The following LRP2 variants were observed in gnomAD, a reference collection of about 807,000 sequenced individuals.
The protein encoded by LRP2 is LDL receptor related protein 2, also known as low-density lipoprotein receptor-related protein 2.
In LRP2, 172 loss-of-function variants were observed where a neutral mutation model predicts 531.0. The ratio of observed to expected loss-of-function variants is 0.32; its 90% CI spans 0.29 to 0.37. The LOEUF is 0.37. Ranked by LOEUF, LRP2 falls within the 10% of genes least tolerant of loss-of-function variation. The pLI is 1.00. For synonymous variants in LRP2, 1,992 were observed against 2,027.6 expected, an observed-to-expected ratio of 0.98 and a Z score of 0.47; for missense variants, 5,167 against 5,868.3, an observed-to-expected ratio of 0.88 and a Z score of 3.90.
intron 6 of LRP2, among the ~76,000 whole-genome samples, chr2:169,293,561 G>C (rs992617197): frequency 1.3e-5 from 2 of 152,180 alleles, no homozygotes; most frequent in African/African-American, 4.8e-5. Flanking sequence ...TGTGATCCCA[G>C]CTATTCGGGA....
chr2:169,191,929 T>C lies in LRP2; in HGVS notation c.8935A>G (p.Thr2979Ala). The change falls in exon 48 of 79, where the codon ACT becomes GCT. Residue 2979 changes from threonine to alanine, a missense_variant. Thr to Ala is a moderately conservative substitution (Grantham distance 58, BLOSUM62 0). Transcript: ENST00000649046. ...SWVCDGDVDC[T>A]DGYDENQNCT... ...TTCTGATTCTCATCGTAGCCGTCAG[T>C]ACAATCCACATCGCCATCACAGACC... 1 of 1,614,150 alleles carries C rather than the reference T, an allele frequency of 6.2e-7. No homozygotes were observed.
At chr2:169,203,088 C>T in intron 42 of LRP2, 129 bp from the exon 43 acceptor site, 1 of 758,596 alleles carries the variant, frequency 1.3e-6, no homozygotes, top group Non-Finnish European at 2.3e-6. Flanking sequence ...GAAGTTCTGC[C>T]CATTAACCTT....
chr2:169,178,323 T>C lies in LRP2; in HGVS notation c.10170-297A>G, dbSNP rs368745157. Among the ~76,000 whole-genome samples, 5 of 152,364 alleles carry C rather than the reference T, an allele frequency of 3.3e-5. 1 individual carries two copies. Among genetic ancestry groups the C allele is most frequent in the South Asian group, 2.1e-4 (1 of 4,828 alleles). On this transcript the variant is annotated intron_variant, in intron 52 of 78. Coordinates refer to ENST00000649046, the MANE Select transcript of LRP2 (RefSeq NM_004525.3). ...TGCTTTCCTGCGGATGAAGCTGTTA[T>C]AGCTGTTGTAGGTTTATGGCCTCTT... is the stretch of plus-strand genomic sequence containing the variant.
At chr2:169,315,561 C>G (rs1233724381) in intron 3 of LRP2, among the ~76,000 whole-genome samples, 1 of 152,208 alleles carries the variant, frequency 6.6e-6, no homozygotes, top group African/African-American at 2.4e-5. Context: ...GAACTAAAAG[C>G]ACTGCTGTGC....
At chr2:169,188,897 C>T (rs1687732787) in intron 48 of LRP2, among the ~76,000 whole-genome samples, 1 of 152,146 alleles carries the variant, frequency 6.6e-6, no homozygotes. Context: ...ACACTCCTGC[C>T]ATCTATCATG....
chr2:169,305,577 G>T (rs760936669), intron 4 of LRP2, among the ~76,000 whole-genome samples: 2 of 152,156 alleles, frequency 1.3e-5, no homozygotes, highest in African/African-American at 4.8e-5. Context: ...TGAATCTTCC[G>T]TTGGAGACAT....
rs750182031 is a variant in LRP2, at chr2:169,225,440, C to T, written c.5408G>A (p.Arg1803Lys). The T allele has an allele frequency of 1.8e-5, 29 of 1,613,912 alleles. No individual in the cohort carries two copies. The South Asian group carries it at 3.1e-4, about 17-fold the overall frequency. Residue 1803 changes from arginine to lysine, a missense_variant, in exon 33 of 79, where the codon AGA becomes AAA. This residue lies in a region of LRP2 where 2,811 missense variants were observed against 3,058.0 expected (regional missense o/e 0.92). Transcript: ENST00000649046. ...YWVENPGEIH[R>K]VKTDGTNRTV... is the part of the protein sequence containing the mutation. Reference sequence around the variant, plus strand: ...CCTGTTGGTGCCATCTGTCTTCACTCTGTGAATTTCACCCTGGAAAGAAAG... The same window carrying T: ...CCTGTTGGTGCCATCTGTCTTCACTTTGTGAATTTCACCCTGGAAAGAAAG...
chr2:169,247,050 G>C, intron 20 of LRP2, 64 bp from the exon 21 acceptor site: 3 of 1,571,456 alleles, frequency 1.9e-6, no homozygotes, highest in Non-Finnish European at 2.6e-6. Context: ...TCACGGGTTT[G>C]ATTTGTGAAG....
At chr2:169,258,741 A>G (rs1051356477) in intron 17 of LRP2, among the ~76,000 whole-genome samples, 2 of 152,106 alleles carry the variant, frequency 1.3e-5, no homozygotes, top group Admixed American at 6.6e-5. Flanking sequence ...TACTGAATCT[A>G]TATCACATTG....
chr2:169,142,616 C>A, intron 71 of LRP2, 58 bp downstream of exon 71: 1 of 1,608,824 alleles, frequency 6.2e-7, no homozygotes, highest in East Asian at 2.2e-5. Context: ...CTTCTGACTC[C>A]TGAAGGCAGC....
Position 169,169,734 on chromosome 2 carries a change from T to C in LRP2, c.11465A>G (p.Asp3822Gly). ...HSELKCDGSA[D>G]CLDASDEADC... is the part of the protein sequence containing the mutation. ...AGCTTCATCAGACGCATCCAAACAG[T>C]CAGCGGATCCATCGCATTTCAGTTC... Residue 3822 changes from aspartate to glycine, a missense_variant, in exon 60 of 79, where the codon GAC (aspartate) becomes GGC (glycine). This residue lies in a region of LRP2 where 564 missense variants were observed against 747.7 expected (regional missense o/e 0.75). Coordinates refer to ENST00000649046, the MANE Select transcript of LRP2 (RefSeq NM_004525.3). 1 of 1,614,136 alleles carries C rather than the reference T, an allele frequency of 6.2e-7. No homozygotes were observed. Among genetic ancestry groups the C allele is most frequent in the Non-Finnish European group, 8.5e-7 (1 of 1,179,992 alleles).
In LRP2 at chr2:169,244,913, C is replaced by A; in HGVS notation, c.3210G>T (p.Ser1070=). The change falls in exon 22 of 79, where the codon TCG becomes TCT. Residue 1070 remains serine, a synonymous_variant. Coordinates refer to ENST00000649046, the MANE Select transcript of LRP2 (RefSeq NM_004525.3). Reference sequence around the variant, plus strand: ...ACTCCCCATGGCCACAGGTGAACGCCGAAGATGAACAGGTATTATCTACAA... The same window carrying A: ...ACTCCCCATGGCCACAGGTGAACGCAGAAGATGAACAGGTATTATCTACAA... ...CGTLNNTCSS[S]AFTCGHGECI... is the part of the protein sequence containing the mutation. The A allele has an allele frequency of 6.2e-7, 1 of 1,614,068 alleles. No homozygotes were observed. The highest frequency in any genetic ancestry group is 1.3e-5 in the African/African-American group (1 of 75,020).
intron 1 of LRP2, among the ~76,000 whole-genome samples, chr2:169,356,515 T>C (rs1212306155): frequency 6.6e-6 from 1 of 152,230 alleles, no homozygotes; most frequent in Non-Finnish European, 1.5e-5. Flanking sequence ...GTGAGGTAGA[T>C]ATATGTCCAT....
At chr2:169,291,956 G>A (rs963246253) in intron 7 of LRP2, among the ~76,000 whole-genome samples, 2 of 152,154 alleles carry the variant, frequency 1.3e-5, no homozygotes, top group African/African-American at 2.4e-5. Flanking sequence ...GTCTTACAGG[G>A]AGAAAGTCAG....
intron 4 of LRP2, among the ~76,000 whole-genome samples, chr2:169,295,211 G>A (rs551112396): frequency 1.3e-5 from 2 of 152,274 alleles, no homozygotes; most frequent in African/African-American, 2.4e-5. Context: ...GAGCCCTGGC[G>A]GCCCAGAGGT....
In LRP2 at chr2:169,191,885, G is replaced by A; in HGVS notation, c.8979C>T (p.Cys2993=). The change falls in exon 48 of 79, where the codon TGC becomes TGT. Residue 2993 remains cysteine (C), a synonymous_variant. Transcript: ENST00000649046. The stretch of plus-strand genomic sequence containing the variant: ...AACCACAGGTGAATTCATTTTCAGA[G>A]CAAGTTCTCCTGGTGCAATTCTGAT... The part of the protein sequence containing the change: ...DENQNCTRRT[C]SENEFTCGYG... 5.0e-6 allele frequency: 8 copies of A among 1,614,094 alleles called. No homozygotes were observed. Among genetic ancestry groups the A allele is most frequent in the Non-Finnish European group, 5.9e-6 (7 of 1,180,008 alleles).
intron 9 of LRP2, 59 bp downstream of exon 9, chr2:169,288,967 A>T: frequency 1.2e-6 from 2 of 1,610,214 alleles, no homozygotes; most frequent in Non-Finnish European, 1.7e-6. Flanking sequence ...GTCAGAGATC[A>T]GGGCACCCAT....
At chr2:169,131,074 G>A (rs1685269081) in intron 77 of LRP2, among the ~76,000 whole-genome samples, 1 of 152,192 alleles carries the variant, frequency 6.6e-6, no homozygotes, top group Non-Finnish European at 1.5e-5. Context: ...GCACTAGCTT[G>A]GGGTTGACTC....
At chr2:169,175,503 C>A (rs529851374) in intron 54 of LRP2, 114 bp from the exon 55 acceptor site, 13 of 932,200 alleles carry the variant, frequency 1.4e-5, no homozygotes, top group South Asian at 7.0e-5. Context: ...TCTCTCGTGG[C>A]CCTAGAAGAG....
Sources: allele counts gnomAD v4.1 joint callset (sites outside exome capture counted in the v4.1 genomes callset), GRCh38; gene constraint gnomAD v4.1.1; regional missense constraint gnomAD v4.1.1; transcripts MANE v1.5; gene names NCBI Gene and HGNC (gene_info 2026-07-23, HGNC 2026-07-21).